The following ETV5 variants were observed in gnomAD, a reference collection of about 807,000 sequenced individuals.
The protein encoded by ETV5 is ETS translocation variant 5.
Under a neutral mutation model 70.0 loss-of-function variants are expected in ETV5, and 10 were observed. The ratio of observed to expected loss-of-function variants is 0.14; its 90% CI spans 0.09 to 0.24. The LOEUF (loss-of-function observed/expected upper bound fraction) is 0.24. Ranked by LOEUF, ETV5 falls within the 10% of genes least tolerant of loss-of-function variation. The pLI, the probability that ETV5 is intolerant of heterozygous loss-of-function variation, is 1.00. For synonymous variants in ETV5, 216 were observed against 242.2 expected, an observed-to-expected ratio of 0.89 and a Z score of 1.01; for missense variants, 453 against 651.2, an observed-to-expected ratio of 0.70 and a Z score of 3.31.
At chr3:186,069,501 G>GTT (rs370864275) in intron 7 of ETV5, among the ~76,000 whole-genome samples, 21 of 129,420 alleles carry the variant, frequency 1.6e-4, no homozygotes, top group East Asian at 9.6e-4. Context: ...AGACGAAGTT[G>GTT]TTTTTTTTTT....
At chr3:186,067,609 CAA>C (rs908859546) in intron 7 of ETV5, among the ~76,000 whole-genome samples, 11 of 116,808 alleles carry the variant, frequency 9.4e-5, no homozygotes, top group Non-Finnish European at 1.3e-4. Flanking sequence ...AAGACTGTCT[CAA>C]AAAAAAAAAA....
rs1714559738 is a variant in ETV5, at chr3:186,105,224, G to GAA, written c.232+79_232+80dup. On this transcript the variant is annotated intron_variant, in intron 5 of 12. Coordinates refer to ENST00000306376, the MANE Select transcript of ETV5 (RefSeq NM_004454.3). The surrounding 1 kb of genome is among the most constrained non-coding windows in gnomAD (Gnocchi z 4.5). ...CTACTGTCTAAATCTGGCCATAGCT[G>GAA]AAAAAAGCATATTCTAGACATGGAT... 10 of 1,260,132 alleles carry GAA rather than the reference G, an allele frequency of 7.9e-6. No individual in the cohort carries two copies. The highest frequency in any genetic ancestry group is 2.7e-4 in the Middle Eastern group (1 of 3,650). 78.1% of individuals were successfully genotyped at this position (1,260,132 alleles called of 1,614,324 possible).
intron 7 of ETV5, among the ~76,000 whole-genome samples, chr3:186,071,664 T>C (rs564942806): frequency 6.6e-6 from 1 of 152,172 alleles, no homozygotes; most frequent in Non-Finnish European, 1.5e-5. Context: ...TCAGAAGATA[T>C]GCAAATATGG....
intron 5 of ETV5, among the ~76,000 whole-genome samples, chr3:186,083,958 C>G (rs1206673343): frequency 2.0e-5 from 3 of 152,116 alleles, no homozygotes. Context: ...GTGAAGGAGC[C>G]TAATTCTGGC....
At chr3:186,061,167 C>G (rs1713295566) in intron 9 of ETV5, among the ~76,000 whole-genome samples, 1 of 152,232 alleles carries the variant, frequency 6.6e-6, no homozygotes, top group African/African-American at 2.4e-5. Flanking sequence ...AGTATCAGCT[C>G]TTTTGACTTT....
intron 12 of ETV5, among the ~76,000 whole-genome samples, chr3:186,050,593 G>A (rs1578534397): frequency 1.3e-5 from 2 of 152,286 alleles, no homozygotes; most frequent in South Asian, 4.1e-4. Flanking sequence ...TGGTTGTACA[G>A]CTCTGTGAAA....
chr3:186,072,989 G>A (rs1157555702), intron 7 of ETV5, among the ~76,000 whole-genome samples: 1 of 152,090 alleles, frequency 6.6e-6, no homozygotes, highest in Non-Finnish European at 1.5e-5. Flanking sequence ...AAAATTAGCC[G>A]GGTGTGGTGG....
intron 5 of ETV5, among the ~76,000 whole-genome samples, chr3:186,104,053 A>G (rs1174811869): frequency 6.6e-6 from 1 of 152,250 alleles, no homozygotes; most frequent in Non-Finnish European, 1.5e-5. Flanking sequence ...AAAATGAGAA[A>G]TTGAGTCCTT....
At chr3:186,073,080 C>T (rs919403313) in intron 7 of ETV5, among the ~76,000 whole-genome samples, 2 of 151,994 alleles carry the variant, frequency 1.3e-5, no homozygotes, top group Admixed American at 6.5e-5. Context: ...TTTAGTAAGC[C>T]GAGACTGCAC....
Position 186,064,322 on chromosome 3 carries a change from G to A in ETV5, c.970+95C>T, listed in dbSNP as rs148926119. The A allele has an allele frequency of 5.1e-5, 60 of 1,178,888 alleles. No individual in the cohort carries two copies. The African/African-American group carries it at 7.9e-4, about 15-fold the overall frequency. 73.0% of individuals were successfully genotyped at this position (1,178,888 alleles called of 1,614,324 possible). ...GGGTATTAGTCAAGCAAAGAAAGAG[G>A]AAGGAAGGAAGGTAGGAGAAAGAAA... is the stretch of plus-strand genomic sequence containing the variant. On this transcript the variant is annotated intron_variant, in intron 9 of 12. Coordinates refer to ENST00000306376, the MANE Select transcript of ETV5 (RefSeq NM_004454.3).
At chr3:186,106,095 G>A (rs1714580749) in intron 1 of ETV5, among the ~76,000 whole-genome samples, 153 bp from the exon 2 acceptor site, 1 of 152,126 alleles carries the variant, frequency 6.6e-6, no homozygotes, top group South Asian at 2.1e-4. Flanking sequence ...ACACACCAAT[G>A]CCGGGCTTGA....
intron 11 of ETV5, among the ~76,000 whole-genome samples, chr3:186,056,741 C>A (rs1713171436): frequency 6.6e-6 from 1 of 152,196 alleles, no homozygotes. Flanking sequence ...AAGACCAAAA[C>A]AAGTCTGTAT....
intron 5 of ETV5, among the ~76,000 whole-genome samples, chr3:186,104,013 A>G (rs1368772835): frequency 6.6e-6 from 1 of 152,238 alleles, no homozygotes; most frequent in Non-Finnish European, 1.5e-5. Context: ...ACCCAGAGAT[A>G]AAACAAAGCT....
At chr3:186,055,929 G>A (rs1054712080) in intron 11 of ETV5, among the ~76,000 whole-genome samples, 1 of 152,122 alleles carries the variant, frequency 6.6e-6, no homozygotes, top group Non-Finnish European at 1.5e-5. Flanking sequence ...TGATCTGCTG[G>A]TTTAATTTAT....
intron 8 of ETV5, among the ~76,000 whole-genome samples, chr3:186,065,576 T>C (rs1399955391): frequency 1.3e-5 from 2 of 152,228 alleles, no homozygotes; most frequent in Non-Finnish European, 2.9e-5. Flanking sequence ...ATACCACTTC[T>C]GAATGCCTAC....
chr3:186,073,715 C>A (rs926013969), intron 7 of ETV5, among the ~76,000 whole-genome samples: 1 of 152,084 alleles, frequency 6.6e-6, no homozygotes, highest in Admixed American at 6.5e-5. Flanking sequence ...CAAATCAGAA[C>A]CTGTGCAATG....
chr3:186,096,343 C>A (rs1714302914), intron 5 of ETV5, among the ~76,000 whole-genome samples: 2 of 152,218 alleles, frequency 1.3e-5, no homozygotes, highest in Non-Finnish European at 1.5e-5. Context: ...ATCCCCCCCT[C>A]TTCTATTCTA....
At chr3:186,091,652 AAAAC>A (rs1424724237) in intron 5 of ETV5, among the ~76,000 whole-genome samples, 5 of 152,358 alleles carry the variant, frequency 3.3e-5, no homozygotes, top group South Asian at 2.1e-4. Flanking sequence ...GTGTGTGGAC[AAAAC>A]AAACAAACAA....
Position 186,065,949 on chromosome 3 carries a change from G to A in ETV5, c.774C>T (p.Pro258=). 3.7e-6 allele frequency: 6 copies of A among 1,612,320 alleles called. No homozygotes were observed. The highest frequency in any genetic ancestry group is 5.1e-6 in the Non-Finnish European group (6 of 1,179,126). The stretch of plus-strand genomic sequence containing the variant: ...GGTATTCTTGTTTGAATCCCTGAGG[G>A]GGCGGGGGAGCTGCAGGGACAATAG... ...SEPIVPAAPP[P]PQGFKQEYHD... Residue 258 remains proline, a synonymous_variant, in exon 8 of 13, where the codon CCC becomes CCT. Transcript: ENST00000306376.
Sources: allele counts gnomAD v4.1 joint callset (sites outside exome capture counted in the v4.1 genomes callset), GRCh38; gene constraint gnomAD v4.1.1; non-coding constraint Gnocchi (gnomAD v3.1); transcripts MANE v1.5; gene names NCBI Gene and HGNC (gene_info 2026-07-23, HGNC 2026-07-21).